The following FHIT variants were observed in gnomAD, a reference collection of about 807,000 sequenced individuals.
The protein encoded by FHIT is bis(5'-adenosyl)-triphosphatase.
In FHIT, 19 loss-of-function variants were observed where a neutral mutation model predicts 17.9. That is an observed-to-expected ratio of 1.06 (90% CI 0.74 to 1.56). The LOEUF (loss-of-function observed/expected upper bound fraction) is 1.56. Ranked by LOEUF, FHIT falls within the 40% of genes most tolerant of loss-of-function variation. The pLI is 0.00. For missense variants in FHIT, 248 were observed against 189.2 expected, an observed-to-expected ratio of 1.31 and a Z score of -1.82; for synonymous variants, 81 against 69.7, an observed-to-expected ratio of 1.16 and a Z score of -0.81.
At chr3:60,267,109 T>C (rs1266413477) in intron 5 of FHIT, among the ~76,000 whole-genome samples, 1 of 152,036 alleles carries the variant, frequency 6.6e-6, no homozygotes, top group African/African-American at 2.4e-5. Context: ...CTAGTGATAT[T>C]AGTTATGTTC....
intron 5 of FHIT, among the ~76,000 whole-genome samples, chr3:60,121,248 A>G (rs181474085): frequency 2.6e-5 from 4 of 152,268 alleles, no homozygotes; most frequent in Admixed American, 2.0e-4. Context: ...TTACATATTA[A>G]TGCTACTAAA....
chr3:60,779,186 C>T (rs782341759), intron 4 of FHIT, among the ~76,000 whole-genome samples: 1 of 152,168 alleles, frequency 6.6e-6, no homozygotes, highest in Non-Finnish European at 1.5e-5. Flanking sequence ...GCACTCAGTC[C>T]TACCATAATT....
At chr3:60,797,869 A>T (rs1297611965) in intron 4 of FHIT, among the ~76,000 whole-genome samples, 1 of 152,058 alleles carries the variant, frequency 6.6e-6, no homozygotes, top group African/African-American at 2.4e-5. Flanking sequence ...ATTCTAATGT[A>T]TAATTTTGAA....
intron 5 of FHIT, among the ~76,000 whole-genome samples, chr3:60,098,173 C>T (rs1414142551): frequency 3.7e-5 from 5 of 135,172 alleles, no homozygotes; most frequent in Admixed American, 8.2e-5. Flanking sequence ...CCGCAATAAA[C>T]ATACGTGTGC....
intron 5 of FHIT, among the ~76,000 whole-genome samples, chr3:60,362,081 A>T (rs892102920): frequency 2.0e-5 from 3 of 152,170 alleles, no homozygotes; most frequent in Admixed American, 6.5e-5. Flanking sequence ...ATTTAAAAAA[A>T]AATAATTTTA....
chr3:59,940,203 A>C (rs1040050835), intron 7 of FHIT, among the ~76,000 whole-genome samples: 1 of 152,222 alleles, frequency 6.6e-6, no homozygotes, highest in Admixed American at 6.5e-5. Context: ...CTTGGAACTT[A>C]GTAAGCATAG....
chr3:60,520,433 G>A (rs2035314918), intron 5 of FHIT, among the ~76,000 whole-genome samples: 1 of 152,092 alleles, frequency 6.6e-6, no homozygotes, highest in Admixed American at 6.5e-5. Flanking sequence ...GATTATATCA[G>A]GAGGCTGAGC....
chr3:60,305,519 A>T (rs562538101), intron 5 of FHIT, among the ~76,000 whole-genome samples: 1 of 152,242 alleles, frequency 6.6e-6, no homozygotes, highest in South Asian at 2.1e-4. Flanking sequence ...TGTTGATTCA[A>T]CCCAAACACT....
chr3:60,154,392 TAGAAATCAGTCA>T (rs1219413426), intron 5 of FHIT, among the ~76,000 whole-genome samples: 1 of 152,176 alleles, frequency 6.6e-6, no homozygotes, highest in Admixed American at 6.6e-5. Context: ...AATTCTGCTT[TAGAAATCAGTCA>T]TGAAAGGTCA....
At chr3:59,779,412 T>C (rs995095415) in intron 8 of FHIT, among the ~76,000 whole-genome samples, 1 of 152,148 alleles carries the variant, frequency 6.6e-6, no homozygotes, top group African/African-American at 2.4e-5. Context: ...TTTGTGGTGG[T>C]TGTCTGCCTG....
At chr3:60,417,912 G>A (rs973411652) in intron 5 of FHIT, among the ~76,000 whole-genome samples, 4 of 152,116 alleles carry the variant, frequency 2.6e-5, no homozygotes, top group Admixed American at 2.6e-4. Flanking sequence ...GCCAAACATG[G>A]CCGAAATCTC....
At chr3:60,755,784 G>A (rs1382403626) in intron 4 of FHIT, among the ~76,000 whole-genome samples, 1 of 152,174 alleles carries the variant, frequency 6.6e-6, no homozygotes, top group Admixed American at 6.5e-5. Flanking sequence ...AAGGAACAAT[G>A]AGCCAGACTC....
At chr3:61,000,330 C>G (rs2030983338) in intron 3 of FHIT, among the ~76,000 whole-genome samples, 2 of 152,212 alleles carry the variant, frequency 1.3e-5, no homozygotes, top group South Asian at 4.1e-4. Flanking sequence ...TATTTTTAAG[C>G]TCTGGCTGTA....
chr3:61,145,385 T>C (rs913342931), intron 2 of FHIT, among the ~76,000 whole-genome samples: 2 of 152,100 alleles, frequency 1.3e-5, no homozygotes, highest in African/African-American at 4.8e-5. Flanking sequence ...TGATCTACCT[T>C]TTTTGTTAGT....
intron 5 of FHIT, among the ~76,000 whole-genome samples, chr3:60,231,207 ATATATATGTGTG>A (rs1298005181): frequency 5.9e-5 from 9 of 152,326 alleles, no homozygotes; most frequent in South Asian, 2.1e-4. Context: ...TTCTTTGCAG[ATATATATGTGTG>A]TATATATGTG....
intron 5 of FHIT, among the ~76,000 whole-genome samples, chr3:60,509,246 G>T (rs1403456369): frequency 6.6e-6 from 1 of 152,166 alleles, no homozygotes; most frequent in Non-Finnish European, 1.5e-5. Flanking sequence ...AGCATCCTGA[G>T]GAGACTGTCA....
chr3:60,567,072 C>A (rs546615297), intron 4 of FHIT, among the ~76,000 whole-genome samples: 11 of 144,548 alleles, frequency 7.6e-5, no homozygotes, highest in Admixed American at 1.4e-4. Flanking sequence ...CCCCATCAAG[C>A]TACCAATGAC....
chr3:60,949,705 G>A (rs1426407433), intron 3 of FHIT, among the ~76,000 whole-genome samples: 1 of 152,042 alleles, frequency 6.6e-6, no homozygotes, highest in Non-Finnish European at 1.5e-5. Context: ...CCCGGTCTCT[G>A]GTTAAAGTGG....
chr3:60,792,375 G>T (rs1553728780), intron 4 of FHIT, among the ~76,000 whole-genome samples: 2 of 152,192 alleles, frequency 1.3e-5, no homozygotes, highest in African/African-American at 4.8e-5. Flanking sequence ...TACACAGAGA[G>T]AATATGTTAC....
Sources: allele counts gnomAD v4.1 joint callset (sites outside exome capture counted in the v4.1 genomes callset), GRCh38; gene constraint gnomAD v4.1.1; transcripts MANE v1.5; gene names NCBI Gene and HGNC (gene_info 2026-07-23, HGNC 2026-07-21).